DCP2: variants seen among roughly 807,000 people sequenced by gnomAD.
DCP2 encodes the protein m7GpppN-mRNA hydrolase.
Under a neutral mutation model 56.1 loss-of-function variants are expected in DCP2, and 30 were observed. The ratio of observed to expected loss-of-function variants is 0.53; its 90% CI spans 0.40 to 0.73. The LOEUF is 0.73. DCP2 is among the 30% of genes least tolerant of loss of function. DCP2 has a pLI of 0.00. For synonymous variants in DCP2, 197 were observed against 163.3 expected, an observed-to-expected ratio of 1.21 and a Z score of -1.57; for missense variants, 533 against 502.7, an observed-to-expected ratio of 1.06 and a Z score of -0.58.
chr5:113,018,915 C>T lies in DCP2; in HGVS notation c.*5431C>T, dbSNP rs1409943686. 1.3e-5 allele frequency: 2 copies of T among 152,136 alleles called. No individual in the cohort carries two copies. The highest frequency in any genetic ancestry group is 2.9e-5 in the Non-Finnish European group (2 of 68,032). The allele number at this position is 152,136 out of a possible 1,614,324, so 9.4% of individuals were successfully genotyped here. ...GTGATCTCACTTTTGATGTTTGGGT[C>T]ACCTGTGGACACCTGTGCTCTTTTG... On this transcript the variant is annotated 3_prime_UTR_variant, in exon 11 of 11. Transcript: ENST00000389063.
At chr5:112,985,213 A>G (rs1748221411) in intron 1 of DCP2, among the ~76,000 whole-genome samples, 1 of 152,188 alleles carries the variant, frequency 6.6e-6, no homozygotes, top group Non-Finnish European at 1.5e-5. Flanking sequence ...TCCTAATTAC[A>G]TATGTGTACA....
chr5:112,984,725 T>TATATATATATATATATATCTA (rs1157313721), intron 1 of DCP2: 1 of 135,642 alleles, frequency 7.4e-6, no homozygotes, highest in African/African-American at 2.8e-5. Context: ...TATATATATA[T>TATATATATATATATATATCTA]TTGAGACAGT....
At chr5:112,988,568 G>C (rs1216759583) in intron 2 of DCP2, among the ~76,000 whole-genome samples, 1 of 151,506 alleles carries the variant, frequency 6.6e-6, no homozygotes, top group Non-Finnish European at 1.5e-5. Context: ...GACGTTCAGG[G>C]CAATAAATCC....
At position 113,014,504 on chromosome 5, in the gene DCP2, C is replaced by G. The variant is rs1172041832; in HGVS notation, c.*1020C>G. ...GAAGGGAAGGGGTATGCAGTTTACCCAAGTCCAAATAAAGCATTTCACTAG... is the reference window on the plus strand; with the variant it reads ...GAAGGGAAGGGGTATGCAGTTTACCGAAGTCCAAATAAAGCATTTCACTAG... On this transcript the variant is annotated 3_prime_UTR_variant, in exon 11 of 11. Coordinates refer to ENST00000389063, the MANE Select transcript of DCP2 (RefSeq NM_152624.6). The G allele has an allele frequency of 6.6e-6, 1 of 152,580 alleles. No homozygotes were observed. The highest frequency in any genetic ancestry group is 2.4e-5 in the African/African-American group (1 of 41,434). The allele number at this position is 152,580 out of a possible 1,614,324, so 9.5% of individuals were successfully genotyped here.
chr5:113,022,057 C>T lies in DCP2; in HGVS notation c.*8573C>T, dbSNP rs1425999111. Reference sequence around the variant, plus strand: ...ATTTGCCTGCATGTATATCACAGTTCTACAGAAGGATAGCCTTACCCTTTA... The same window carrying T: ...ATTTGCCTGCATGTATATCACAGTTTTACAGAAGGATAGCCTTACCCTTTA... On this transcript the variant is annotated 3_prime_UTR_variant, in exon 11 of 11. Coordinates refer to ENST00000389063, the MANE Select transcript of DCP2 (RefSeq NM_152624.6). The T allele has an allele frequency of 6.6e-6, 1 of 152,128 alleles. No homozygotes were observed. Among genetic ancestry groups the T allele is most frequent in the South Asian group, 2.1e-4 (1 of 4,828 alleles). The allele number at this position is 152,128 out of a possible 1,614,324, so 9.4% of individuals were successfully genotyped here.
chr5:112,982,958 T>A (rs1233896234), intron 1 of DCP2, among the ~76,000 whole-genome samples: 3 of 152,204 alleles, frequency 2.0e-5, no homozygotes, highest in Admixed American at 6.5e-5. Context: ...GATAGGGAGC[T>A]GGCTCTTACA....
At position 113,020,486 on chromosome 5, in the gene DCP2, T is replaced by C. The variant is rs1750065215; in HGVS notation, c.*7002T>C. 1 of 152,252 alleles carries C rather than the reference T, an allele frequency of 6.6e-6. No individual in the cohort carries two copies. Among genetic ancestry groups the C allele is most frequent in the Non-Finnish European group, 1.5e-5 (1 of 68,038 alleles). 9.4% of individuals were successfully genotyped at this position (152,252 alleles called of 1,614,324 possible). On this transcript the variant is annotated 3_prime_UTR_variant, in exon 11 of 11. Coordinates refer to ENST00000389063, the MANE Select transcript of DCP2 (RefSeq NM_152624.6). Reference sequence around the variant, plus strand: ...AAAAGGAACCCCAAAACACCTGTAGTGTTCACCTTGTTATAAGAACAGAAA... The same window carrying C: ...AAAAGGAACCCCAAAACACCTGTAGCGTTCACCTTGTTATAAGAACAGAAA...
At chr5:113,003,806 C>T in intron 7 of DCP2, 136 bp from the exon 8 acceptor site, 1 of 985,842 alleles carries the variant, frequency 1.0e-6, no homozygotes, top group Non-Finnish European at 1.5e-6. Flanking sequence ...TCTCTGCTCT[C>T]ATAGAACTTA....
intron 1 of DCP2, chr5:112,984,043 C>A (rs1748132572): frequency 6.6e-6 from 1 of 152,174 alleles, no homozygotes; most frequent in African/African-American, 2.4e-5. Flanking sequence ...AGACAAGACA[C>A]ATGACCTCTG....
In DCP2 at chr5:113,001,494, A is replaced by G. The variant is rs770329753; in HGVS notation, c.698+25A>G. 6 of 1,609,782 alleles carry G rather than the reference A, an allele frequency of 3.7e-6. No homozygotes were observed. In the African/African-American group the frequency reaches 5.3e-5, roughly 14 times the overall value. ...GGTGTGTTCATATTTCTTGAAATGT[A>G]ACTTTCATGATTGGGATAGTCATCT... is the stretch of plus-strand genomic sequence containing the variant. On this transcript the variant is annotated intron_variant, in intron 6 of 10. Coordinates refer to ENST00000389063, the MANE Select transcript of DCP2 (RefSeq NM_152624.6).
intron 8 of DCP2, among the ~76,000 whole-genome samples, chr5:113,006,728 T>G (rs749817138): frequency 7.9e-5 from 12 of 152,234 alleles, no homozygotes; most frequent in Non-Finnish European, 1.3e-4. Context: ...AAAATGTTCG[T>G]TTTAATTTAA....
Position 113,014,758 on chromosome 5 carries a change from A to ATGTG in DCP2, c.*1284_*1287dup, listed in dbSNP as rs143296019. 3.3e-5 allele frequency: 5 copies of ATGTG among 152,430 alleles called. No homozygotes were observed. Among genetic ancestry groups the ATGTG allele is most frequent in the African/African-American group, 9.7e-5 (4 of 41,398 alleles). 9.4% of individuals were successfully genotyped at this position (152,430 alleles called of 1,614,324 possible). On this transcript the variant is annotated 3_prime_UTR_variant, in exon 11 of 11. Coordinates refer to ENST00000389063, the MANE Select transcript of DCP2 (RefSeq NM_152624.6). ...TTGGGAGTCGGGGGTGTTTGAGTAT[A>ATGTG]TGTGTGTGTGTGTAACTATCATGTG...
At chr5:112,997,678 C>G (rs1748929067) in intron 4 of DCP2, among the ~76,000 whole-genome samples, 1 of 150,724 alleles carries the variant, frequency 6.6e-6, no homozygotes, top group Admixed American at 6.6e-5. Context: ...GGTGCGATCT[C>G]AGTTCACTGC....
At chr5:112,995,872 G>A (rs1425090496) in intron 4 of DCP2, among the ~76,000 whole-genome samples, 1 of 152,138 alleles carries the variant, frequency 6.6e-6, no homozygotes, top group Non-Finnish European at 1.5e-5. Context: ...ATTTTGCAAC[G>A]GTTCTAGACG....
chr5:112,989,403 A>G (rs1748468604), intron 2 of DCP2, among the ~76,000 whole-genome samples: 4 of 151,780 alleles, frequency 2.6e-5, no homozygotes, highest in Admixed American at 2.6e-4. Flanking sequence ...ATAAATGTTA[A>G]TGTAATAAAT....
chr5:113,010,730 TG>T, intron 9 of DCP2, 25 bp from the exon 10 acceptor site: 1 of 1,485,370 alleles, frequency 6.7e-7, no homozygotes, highest in Non-Finnish European at 8.8e-7. Flanking sequence ...TGTGTGTGTG[TG>T]TGTGTTTTTT....
chr5:112,993,936 CA>C (rs992597339), intron 4 of DCP2, among the ~76,000 whole-genome samples: 11 of 149,876 alleles, frequency 7.3e-5, no homozygotes, highest in Admixed American at 6.6e-5. Context: ...TGTCCAGTGG[CA>C]ACATCATAGT....
In DCP2 at chr5:113,009,056, A is replaced by G. The variant is rs185046520; in HGVS notation, c.1047+1014A>G. Among the ~76,000 whole-genome samples, 20 of 152,280 alleles carry G rather than the reference A, an allele frequency of 1.3e-4. No individual in the cohort carries two copies. In the East Asian group the frequency reaches 3.7e-3, roughly 28 times the overall value. ...CAGACAGGGTTTCACCATGTTGGCCAGGATGGTCTCGATCTCCAGACCTCG... is the reference window on the plus strand; with the variant it reads ...CAGACAGGGTTTCACCATGTTGGCCGGGATGGTCTCGATCTCCAGACCTCG... On this transcript the variant is annotated intron_variant, in intron 9 of 10. Transcript: ENST00000389063.
intron 8 of DCP2, among the ~76,000 whole-genome samples, chr5:113,004,632 C>G (rs1749327426): frequency 6.6e-6 from 1 of 152,094 alleles, no homozygotes; most frequent in South Asian, 2.1e-4. Flanking sequence ...TTCTGTGTAA[C>G]TAAAAGGAAA....
Sources: gnomAD v4.1 joint callset for allele counts (sites outside exome capture counted in the v4.1 genomes callset) on GRCh38, gnomAD v4.1.1 for gene constraint, MANE v1.5 for transcripts, NCBI Gene and HGNC (gene_info 2026-07-23, HGNC 2026-07-21) for gene names.